ITPR2: variants seen among roughly 807,000 people sequenced by gnomAD.
The protein encoded by ITPR2 is inositol 1,4,5-trisphosphate receptor type 2.
A neutral mutation model predicts 317.1 loss-of-function variants in ITPR2; 207 were observed. The ratio of observed to expected loss-of-function variants is 0.65; its 90% confidence interval spans 0.58 to 0.73. The LOEUF (loss-of-function observed/expected upper bound fraction) is 0.73, where lower values mean the gene tolerates loss of function less well. Among genes scored for constraint, ITPR2 ranks in the 30% least tolerant of loss-of-function variants. The probability of loss-of-function intolerance (pLI) is 0.00; values close to 1 mark genes in which losing one functional copy is unlikely to be tolerated. For synonymous variants in ITPR2, 1,156 were observed against 1,149.1 expected (o/e 1.01, Z -0.12); for missense variants, 2,613 against 3,284.0 (o/e 0.80, Z 4.99).
chr12:26,529,438 G>T (rs375405403), intron 37 of ITPR2, among the ~76,000 whole-genome samples: 32 of 152,246 alleles, frequency 2.1e-4, no homozygotes, highest in African/African-American at 6.5e-4. Flanking sequence ...GCCCAGGATG[G>T]CTGCATGGCC....
intron 34 of ITPR2, among the ~76,000 whole-genome samples, chr12:26,565,824 AGAGAGGAGAGGAGAGTAGAGAG>A (rs1275658571): frequency 2.9e-5 from 4 of 137,190 alleles, no homozygotes; most frequent in Non-Finnish European, 3.1e-5. Context: ...AAAGAAAAGA[AGAGAGGAGAGGAGAGTAGAGAG>A]GAGAGGAGAG....
At chr12:26,399,123 T>C (rs1414154252) in intron 53 of ITPR2, 82 bp from the exon 54 acceptor site, 29 of 1,022,112 alleles carry the variant, frequency 2.8e-5, no homozygotes, top group Non-Finnish European at 3.6e-5. Context: ...ATTCAATAAA[T>C]GTTTGTGAAA....
At chr12:26,360,459 A>G (rs946349408) in intron 55 of ITPR2, among the ~76,000 whole-genome samples, 1 of 152,180 alleles carries the variant, frequency 6.6e-6, no homozygotes, top group African/African-American at 2.4e-5. Flanking sequence ...CCTTGCCCTG[A>G]GAGCCGTTTT....
At chr12:26,462,292 G>C (rs953455198) in intron 45 of ITPR2, among the ~76,000 whole-genome samples, 1 of 152,020 alleles carries the variant, frequency 6.6e-6, no homozygotes, top group Admixed American at 6.5e-5. Context: ...TCAGCTTCCT[G>C]AGTAGCTGGG....
chr12:26,379,015 G>T (rs73079177), intron 55 of ITPR2, among the ~76,000 whole-genome samples: 24,859 of 152,140 alleles, frequency 0.16, 2,204 homozygotes, highest in African/African-American at 0.21. Flanking sequence ...GGGTACAGCT[G>T]GCCTTGCTTG....
intron 37 of ITPR2, among the ~76,000 whole-genome samples, chr12:26,536,098 G>A (rs537678083): frequency 1.3e-5 from 2 of 152,314 alleles, no homozygotes; most frequent in South Asian, 4.1e-4. Flanking sequence ...ATATAGCAAA[G>A]TAGAAGCTTT....
rs1944146575 is a variant in ITPR2 at position 26,538,007 on chromosome 12, G to A, written c.5073+12240C>T. ...TAAAAAATATCTTAAGTTGGCTTCT[G>A]TTATTTAACGTAAAAAAACAGTTGC... On this transcript the variant is annotated intron_variant, in intron 37 of 56. Coordinates refer to ENST00000381340, the MANE Select transcript of ITPR2 (RefSeq NM_002223.4). Among the ~76,000 whole-genome samples, 4 of 152,206 alleles carry A rather than the reference G, an allele frequency of 2.6e-5. No homozygotes were observed. The South Asian group carries it at 8.3e-4, about 32-fold the overall frequency.
intron 23 of ITPR2, 124 bp from the exon 24 acceptor site, chr12:26,624,480 A>AT: frequency 3.1e-6 from 2 of 649,004 alleles, no homozygotes; most frequent in Non-Finnish European, 2.7e-6. Flanking sequence ...CCAAAAGTCA[A>AT]TTAACACTAA....
intron 46 of ITPR2, 108 bp downstream of exon 46, chr12:26,443,435 A>C: frequency 1.3e-6 from 1 of 766,162 alleles, no homozygotes; most frequent in South Asian, 2.1e-5. Context: ...AGTTTAAACC[A>C]CTCACTTCTG....
intron 45 of ITPR2, among the ~76,000 whole-genome samples, chr12:26,464,714 G>A (rs1942126132): frequency 6.6e-6 from 1 of 152,220 alleles, no homozygotes; most frequent in South Asian, 2.1e-4. Flanking sequence ...GAAGTTTGGA[G>A]TCTGGTGGAG....
Position 26,412,687 on chromosome 12 carries a change from A to G in ITPR2, c.7307-1275T>C, listed in dbSNP as rs181570827. ...AATTCTAGGAGGGGGAAAAAAACCC[A>G]GAAAGCTTTTTGGAAAAGGGTCCAT... On this transcript the variant is annotated intron_variant, in intron 51 of 56. Transcript: ENST00000381340. 3.1e-3 allele frequency among the ~76,000 whole-genome samples: 473 copies of G among 152,290 alleles called. 1 individual carries two copies. Among genetic ancestry groups the G allele is most frequent in the African/African-American group, 0.011 (440 of 41,570 alleles).
chr12:26,682,281 T>C (rs1416271946), intron 12 of ITPR2, among the ~76,000 whole-genome samples: 1 of 152,180 alleles, frequency 6.6e-6, no homozygotes. Context: ...TGCTTCAGTT[T>C]CGACAGAGTA....
chr12:26,407,994 A>G (rs549430258), intron 52 of ITPR2, among the ~76,000 whole-genome samples: 1 of 152,268 alleles, frequency 6.6e-6, no homozygotes, highest in Admixed American at 6.5e-5. Flanking sequence ...CGGCCTGACT[A>G]GCTCCTTCTC....
chr12:26,594,154 T>TAAATG (rs1363430283), intron 32 of ITPR2, among the ~76,000 whole-genome samples: 2 of 152,184 alleles, frequency 1.3e-5, no homozygotes, highest in Admixed American at 6.5e-5. Context: ...CAGGACGATT[T>TAAATG]CTCTACAGGT....
chr12:26,745,776 C>T (rs1314173535), intron 2 of ITPR2, among the ~76,000 whole-genome samples: 1 of 152,116 alleles, frequency 6.6e-6, no homozygotes, highest in Non-Finnish European at 1.5e-5. Context: ...GAGGATTACA[C>T]CAGAATGGTT....
intron 52 of ITPR2, among the ~76,000 whole-genome samples, chr12:26,405,948 ACT>A (rs1343662915): frequency 6.6e-6 from 1 of 152,118 alleles, no homozygotes; most frequent in African/African-American, 2.4e-5. Context: ...ACAGAGCAAG[ACT>A]CCATCACAAA....
intron 15 of ITPR2, 42 bp downstream of exon 15, chr12:26,663,643 C>T (rs1947551937): frequency 1.3e-6 from 2 of 1,544,560 alleles, no homozygotes; most frequent in African/African-American, 1.4e-5. Flanking sequence ...CTTGCCCATA[C>T]TTTACATATG....
intron 37 of ITPR2, among the ~76,000 whole-genome samples, chr12:26,512,918 G>A (rs1225256842): frequency 7.3e-6 from 1 of 137,914 alleles, no homozygotes; most frequent in Non-Finnish European, 1.7e-5. Flanking sequence ...CGCCTCCCAG[G>A]TTCAAGCAAT....
intron 26 of ITPR2, among the ~76,000 whole-genome samples, chr12:26,619,387 G>A (rs1386116853): frequency 6.6e-6 from 1 of 152,038 alleles, no homozygotes; most frequent in African/African-American, 2.4e-5. Flanking sequence ...AGTTTTGTTC[G>A]GCCATCTATC....
Sources: gnomAD v4.1 joint callset for allele counts (sites outside exome capture counted in the v4.1 genomes callset) on GRCh38, gnomAD v4.1.1 for gene constraint, MANE v1.5 for transcripts, NCBI Gene and HGNC (gene_info 2026-07-23, HGNC 2026-07-21) for gene names.